SAMD5: variants seen among roughly 807,000 people sequenced by gnomAD.
SAMD5 encodes the protein sterile alpha motif domain containing 5.
A neutral mutation model predicts 11.3 loss-of-function variants in SAMD5; 13 were observed. That is an observed-to-expected ratio of 1.15 (90% CI 0.75 to 1.83). The LOEUF is 1.83. Ranked by LOEUF, SAMD5 falls within the 40% of genes most tolerant of loss-of-function variation. The probability of loss-of-function intolerance (pLI) is 0.00; values close to 1 mark genes in which losing one functional copy is unlikely to be tolerated. For synonymous variants in SAMD5, 129 were observed against 111.3 expected, an observed-to-expected ratio of 1.16 and a Z score of -1.00; for missense variants, 255 against 239.1, an observed-to-expected ratio of 1.07 and a Z score of -0.44.
the SAMD5 span, among the ~76,000 whole-genome samples, chr6:147,752,413 T>C: frequency 2.0e-5 from 3 of 152,340 alleles, no homozygotes; most frequent in South Asian, 6.2e-4. Flanking sequence ...ATTTATGAAT[T>C]TTTCAATATA....
intron 1 of SAMD5, among the ~76,000 whole-genome samples, chr6:147,678,309 C>T (rs73010168): frequency 0.11 from 17,487 of 152,104 alleles, 1,105 homozygotes; most frequent in Middle Eastern, 0.16. Flanking sequence ...AACACAGTCT[C>T]TCATTGTTAT....
chr6:147,668,474 G>T (rs2128455210), intron 1 of SAMD5, among the ~76,000 whole-genome samples: 1 of 152,224 alleles, frequency 6.6e-6, no homozygotes, highest in African/African-American at 2.4e-5. Flanking sequence ...TTGTGGGTTT[G>T]GTTACAGACC....
intron 1 of SAMD5, among the ~76,000 whole-genome samples, chr6:147,597,986 G>A (rs1260750256): frequency 6.6e-6 from 1 of 152,114 alleles, no homozygotes; most frequent in Non-Finnish European, 1.5e-5. Flanking sequence ...CTCCTTCCTG[G>A]TGCCATGCTA....
In SAMD5 at chr6:147,567,426, T is replaced by C; in HGVS notation, c.*2970T>C. ...TTAAATTCTAAAATTATTCTAGTAGTATTTTCCTGCGGTGAATCTGTTAAG... is the reference window on the plus strand; with the variant it reads ...TTAAATTCTAAAATTATTCTAGTAGCATTTTCCTGCGGTGAATCTGTTAAG... On this transcript the variant is annotated 3_prime_UTR_variant, in exon 2 of 2. Coordinates refer to ENST00000367474, the MANE Select transcript of SAMD5 (RefSeq NM_001030060.3). 1.1e-5 allele frequency: 11 copies of C among 984,662 alleles called. No individual in the cohort carries two copies. The highest frequency in any genetic ancestry group is 1.3e-5 in the Non-Finnish European group (11 of 829,194). The allele number at this position is 984,662 out of a possible 1,614,324, so 61.0% of individuals were successfully genotyped here. A position where few individuals can be genotyped will look rare whatever the true frequency, so the allele number is the denominator to read the frequency against.
chr6:147,546,305 G>A (rs1583076589), intron 1 of SAMD5, among the ~76,000 whole-genome samples: 1 of 152,272 alleles, frequency 6.6e-6, no homozygotes, highest in South Asian at 2.1e-4. Context: ...CAAGGCGGGT[G>A]GATCACCTGA....
At chr6:147,598,642 A>G (rs988233022) in intron 1 of SAMD5, among the ~76,000 whole-genome samples, 1 of 152,232 alleles carries the variant, frequency 6.6e-6, no homozygotes, top group African/African-American at 2.4e-5. Flanking sequence ...AATAGAATCC[A>G]GACATCTCGT....
At chr6:147,616,162 A>C (rs1789865672) in intron 1 of SAMD5, among the ~76,000 whole-genome samples, 1 of 131,730 alleles carries the variant, frequency 7.6e-6, no homozygotes, top group African/African-American at 2.6e-5. Context: ...ATTCATATAT[A>C]TTTCATATAT....
At chr6:147,760,200 G>A in the SAMD5 span, among the ~76,000 whole-genome samples, 2 of 152,160 alleles carry the variant, frequency 1.3e-5, no homozygotes, top group Non-Finnish European at 2.9e-5. Flanking sequence ...CAATGAGCAT[G>A]TTGATGAAAA....
the SAMD5 span, among the ~76,000 whole-genome samples, chr6:147,771,952 A>T: frequency 1.3e-5 from 2 of 152,138 alleles, no homozygotes; most frequent in Non-Finnish European, 2.9e-5. Flanking sequence ...CTCAATAAAC[A>T]TTTACTGAAA....
the SAMD5 span, among the ~76,000 whole-genome samples, chr6:147,756,767 T>C: frequency 6.6e-6 from 1 of 152,250 alleles, no homozygotes; most frequent in Non-Finnish European, 1.5e-5. Context: ...GTGTCTTAAT[T>C]AAATGATCTA....
the SAMD5 span, among the ~76,000 whole-genome samples, chr6:147,899,162 C>T: frequency 4.1e-5 from 3 of 72,622 alleles, no homozygotes; most frequent in Non-Finnish European, 6.7e-5. Context: ...CAGAGCGAGA[C>T]TCTGTCTCAA....
At chr6:147,804,901 T>C in the SAMD5 span, among the ~76,000 whole-genome samples, 24 of 152,236 alleles carry the variant, frequency 1.6e-4, no homozygotes, top group African/African-American at 5.5e-4. Flanking sequence ...TAGAGTGAAA[T>C]GAAAAAGAAA....
the SAMD5 span, among the ~76,000 whole-genome samples, chr6:147,889,338 T>C: frequency 6.6e-6 from 1 of 152,214 alleles, no homozygotes; most frequent in African/African-American, 2.4e-5. Flanking sequence ...GTCTTTTTAA[T>C]ATCCTCCCAT....
the SAMD5 span, among the ~76,000 whole-genome samples, chr6:147,892,041 G>A: frequency 4.1e-3 from 621 of 152,306 alleles, 4 homozygotes; most frequent in African/African-American, 0.014. Context: ...ACATTGCACG[G>A]CTAGCCTTAG....
intron 1 of SAMD5, among the ~76,000 whole-genome samples, chr6:147,544,817 C>T (rs570764667): frequency 6.6e-6 from 1 of 152,236 alleles, no homozygotes; most frequent in Admixed American, 6.5e-5. Context: ...TCAGAATGGA[C>T]CACCAAATTT....
the SAMD5 span, among the ~76,000 whole-genome samples, chr6:147,749,171 TG>T: frequency 2.1e-4 from 30 of 141,092 alleles, no homozygotes; most frequent in African/African-American, 4.6e-4. Flanking sequence ...TTTTTTGTTT[TG>T]TTTTTTTTTT....
At chr6:147,674,488 G>A (rs552757591) in intron 1 of SAMD5, among the ~76,000 whole-genome samples, 9 of 152,206 alleles carry the variant, frequency 5.9e-5, no homozygotes, top group African/African-American at 1.9e-4. Context: ...AAATCTGGCG[G>A]GCATTCTCTA....
chr6:147,849,337 T>C, the SAMD5 span, among the ~76,000 whole-genome samples: 1 of 152,152 alleles, frequency 6.6e-6, no homozygotes, highest in Non-Finnish European at 1.5e-5. Flanking sequence ...TGCTATCTAA[T>C]TTTGAAGACA....
the SAMD5 span, among the ~76,000 whole-genome samples, chr6:147,771,178 A>G: frequency 4.6e-5 from 7 of 152,302 alleles, no homozygotes; most frequent in African/African-American, 1.7e-4. Flanking sequence ...GCTTCAACCT[A>G]TTATTTGTGG....
Sources: allele counts gnomAD v4.1 joint callset (sites outside exome capture counted in the v4.1 genomes callset), GRCh38; gene constraint gnomAD v4.1.1; transcripts MANE v1.5; gene names NCBI Gene and HGNC (gene_info 2026-07-23, HGNC 2026-07-21).